The following ZNF251 variants were observed in gnomAD, a reference collection of about 807,000 sequenced individuals.
ZNF251 encodes the protein zinc finger protein 251.
ZNF251 carries 14 observed loss-of-function variants against 13.5 expected under a neutral mutation model. The ratio of observed to expected loss-of-function variants is 1.04; its 90% CI spans 0.69 to 1.63. The LOEUF is 1.63. ZNF251 is among the 40% of genes most tolerant of loss of function. ZNF251 has a pLI of 0.00. For missense variants in ZNF251, 764 were observed against 834.9 expected (o/e 0.92, Z 1.05); for synonymous variants, 287 against 295.2 (o/e 0.97, Z 0.28).
chr8:144,724,084 A>G (rs1292699445), intron 4 of ZNF251, among the ~76,000 whole-genome samples: 1 of 151,964 alleles, frequency 6.6e-6, no homozygotes, highest in Middle Eastern at 3.2e-3. Context: ...TCTACTAAAA[A>G]TACAAAAAAA....
intron 4 of ZNF251, among the ~76,000 whole-genome samples, chr8:144,727,977 G>A (rs950179971): frequency 3.3e-5 from 5 of 152,144 alleles, no homozygotes; most frequent in South Asian, 4.1e-4. Context: ...CACGCCTGAA[G>A]AAGTTTTGCT....
chr8:144,726,374 G>A (rs1823518236), intron 4 of ZNF251, among the ~76,000 whole-genome samples: 1 of 151,096 alleles, frequency 6.6e-6, no homozygotes, highest in Non-Finnish European at 1.5e-5. Flanking sequence ...TCTCTACTAA[G>A]AAATATGTAA....
chr8:144,745,667 C>G (rs942922838), intron 4 of ZNF251, among the ~76,000 whole-genome samples: 2 of 152,086 alleles, frequency 1.3e-5, no homozygotes, highest in Non-Finnish European at 2.9e-5. Flanking sequence ...CCACCTCAGC[C>G]TCCCAAATAG....
At chr8:144,737,607 T>A in intron 4 of ZNF251, among the ~76,000 whole-genome samples, 1 of 151,580 alleles carries the variant, frequency 6.6e-6, no homozygotes, top group Non-Finnish European at 1.5e-5. Context: ...CCAAGGCGGG[T>A]GGATCACAAG....
chr8:144,737,410 G>A (rs1823942537), intron 4 of ZNF251, among the ~76,000 whole-genome samples: 1 of 152,120 alleles, frequency 6.6e-6, no homozygotes, highest in Admixed American at 6.6e-5. Context: ...GGGAGGCTGA[G>A]GCAGGAGAAT....
At position 144,722,959 on chromosome 8, in the gene ZNF251, TC is replaced by T. The variant is rs745395951; in HGVS notation, c.700del (p.Glu234ArgfsTer103). ...LSRHQRSHTG[E>X]KPYECGRCGR... The stretch of plus-strand genomic sequence containing the variant: ...ACACCGGCCACATTCGTACGGCTTC[TC>T]CCCAGTGTGACTTCTCTGGTGTCTA... On this transcript the variant is annotated frameshift_variant, in exon 5 of 5. Coordinates refer to ENST00000292562, the MANE Select transcript of ZNF251 (RefSeq NM_138367.2). LOFTEE classifies it low-confidence loss of function (END_TRUNC). This position sits in a 1 kb window ranked among gnomAD's most constrained non-coding sequence, Gnocchi z 4.8. 1 of 1,613,970 alleles carries T rather than the reference TC, an allele frequency of 6.2e-7. No individual in the cohort carries two copies. The highest frequency in any genetic ancestry group is 1.1e-5 in the South Asian group (1 of 91,072).
chr8:144,726,694 C>T (rs1823527388), intron 4 of ZNF251, among the ~76,000 whole-genome samples: 1 of 151,914 alleles, frequency 6.6e-6, no homozygotes, highest in South Asian at 2.1e-4. Context: ...CACGGTGAAA[C>T]ACCGTCTCTA....
At chr8:144,748,765 G>A (rs191226691) in intron 4 of ZNF251, among the ~76,000 whole-genome samples, 19 of 152,178 alleles carry the variant, frequency 1.2e-4, no homozygotes, top group Admixed American at 1.1e-3. Context: ...TTCTCACTAT[G>A]TTGTTTAGGC....
At chr8:144,755,355 C>T (rs1256008648) in intron 1 of ZNF251, 50 bp downstream of exon 1, 2 of 1,286,168 alleles carry the variant, frequency 1.6e-6, no homozygotes, top group Non-Finnish European at 2.0e-6. Context: ...CCGCGCCCTC[C>T]CCGCCTGCCT....
intron 2 of ZNF251, 63 bp downstream of exon 2, chr8:144,754,633 A>T: frequency 1.3e-6 from 2 of 1,556,144 alleles, no homozygotes; most frequent in Non-Finnish European, 1.7e-6. Context: ...TCCAGAGGAG[A>T]GTAGCTTCTG....
intron 4 of ZNF251, chr8:144,753,472 A>G (rs940291815): frequency 4.5e-5 from 24 of 534,398 alleles, no homozygotes; most frequent in Non-Finnish European, 5.6e-5. Context: ...GAAGTAGTAT[A>G]TATATATTTT....
chr8:144,754,118 CA>C, intron 3 of ZNF251, 73 bp downstream of exon 3: 1 of 1,544,692 alleles, frequency 6.5e-7, no homozygotes, highest in Non-Finnish European at 8.7e-7. Context: ...CTTTGGGATC[CA>C]AAGAGCCAAA....
chr8:144,723,782 CTG>C (rs984473137), intron 4 of ZNF251, among the ~76,000 whole-genome samples: 9 of 152,132 alleles, frequency 5.9e-5, no homozygotes, highest in African/African-American at 2.2e-4. Context: ...GTGACAGAAA[CTG>C]TGTAAATGTG....
At chr8:144,730,137 G>C (rs1823650603) in intron 4 of ZNF251, 1 of 984,606 alleles carries the variant, frequency 1.0e-6, no homozygotes, top group South Asian at 4.7e-5. Flanking sequence ...GAGAACTCAG[G>C]AACCAAACAG....
chr8:144,750,864 T>G (rs562320267), intron 4 of ZNF251, among the ~76,000 whole-genome samples: 1 of 151,650 alleles, frequency 6.6e-6, no homozygotes, highest in East Asian at 1.9e-4. Flanking sequence ...TTTTTCTTTT[T>G]TTTTTTTTAG....
At chr8:144,736,052 AT>A (rs1446660051) in intron 4 of ZNF251, among the ~76,000 whole-genome samples, 4 of 152,136 alleles carry the variant, frequency 2.6e-5, no homozygotes, top group Non-Finnish European at 5.9e-5. Context: ...CCGGACCCTC[AT>A]GGGCCCCCAC....
Position 144,754,801 on chromosome 8 carries a change from T to TAC in ZNF251, c.-75_-74dup. 6.4e-7 allele frequency: 1 copy of TAC among 1,573,300 alleles called. No homozygotes were observed. Among genetic ancestry groups the TAC allele is most frequent in the Non-Finnish European group, 8.6e-7 (1 of 1,160,186 alleles). On this transcript the variant is annotated splice_region_variant and 5_prime_UTR_variant, in exon 2 of 5. Coordinates refer to ENST00000292562, the MANE Select transcript of ZNF251 (RefSeq NM_138367.2). The stretch of plus-strand genomic sequence containing the variant: ...CCCTGGCCTGAAGTCTCCCCGAACT[T>TAC]ACCTTCAGTGGGGAGAACTCAGGCT...
intron 4 of ZNF251, among the ~76,000 whole-genome samples, chr8:144,744,099 T>C (rs1824301693): frequency 6.8e-6 from 1 of 147,500 alleles, no homozygotes; most frequent in African/African-American, 2.5e-5. Flanking sequence ...CTGCAACCTC[T>C]GCCTCCCGGG....
intron 1 of ZNF251, 40 bp downstream of exon 1, chr8:144,755,357 CGCCTGCCT>C (rs1345928839): frequency 7.8e-7 from 1 of 1,286,650 alleles, no homozygotes; most frequent in African/African-American, 1.5e-5. Flanking sequence ...GCGCCCTCCC[CGCCTGCCT>C]GCCCGCTTGG....
Sources: allele counts gnomAD v4.1 joint callset (sites outside exome capture counted in the v4.1 genomes callset), GRCh38; gene constraint gnomAD v4.1.1; non-coding constraint Gnocchi (gnomAD v3.1); transcripts MANE v1.5; gene names NCBI Gene and HGNC (gene_info 2026-07-23, HGNC 2026-07-21).